The following CDYL variants were observed in gnomAD, a reference collection of about 807,000 sequenced individuals.
CDYL encodes chromodomain Y-like protein.
Under a neutral mutation model 47.3 loss-of-function variants are expected in CDYL, and 8 were observed. The ratio of observed to expected loss-of-function variants is 0.17; its 90% CI spans 0.10 to 0.31. The LOEUF (loss-of-function observed/expected upper bound fraction) is 0.31. Among genes scored for constraint, CDYL ranks in the 10% least tolerant of loss-of-function variants. The probability of loss-of-function intolerance (pLI) is 1.00; values close to 1 mark genes in which losing one functional copy is unlikely to be tolerated. For synonymous variants in CDYL, 266 were observed against 265.0 expected (o/e 1.00, Z -0.04); for missense variants, 471 against 701.4 (o/e 0.67, Z 3.71).
chr6:4,946,651 G>A lies in CDYL; in HGVS notation c.1332+2895G>A, dbSNP rs541804999. Among the ~76,000 whole-genome samples the A allele has an allele frequency of 1.2e-4, 18 of 152,292 alleles. No individual in the cohort carries two copies. The South Asian group carries it at 2.5e-3, about 21-fold the overall frequency. ...TGCCAAGCCCAGCTGTGCATCTGCC[G>A]CGGGCCCTGCCTGACCTTGCGCCTG... is the stretch of plus-strand genomic sequence containing the variant. On this transcript the variant is annotated intron_variant, in intron 5 of 6. Transcript: ENST00000397588.
intron 1 of CDYL, among the ~76,000 whole-genome samples, chr6:4,794,355 G>T (rs1759011168): frequency 6.6e-6 from 1 of 152,122 alleles, no homozygotes; most frequent in Admixed American, 6.5e-5. Context: ...AGATTTGGCA[G>T]CGCGGAGGCC....
chr6:4,840,461 G>A (rs1760454406), intron 1 of CDYL, among the ~76,000 whole-genome samples: 1 of 152,102 alleles, frequency 6.6e-6, no homozygotes, highest in Admixed American at 6.6e-5. Context: ...TGGTGAGAGT[G>A]GGCATCCTCG....
At chr6:4,745,196 G>A (rs1466659254) in intron 3 of CDYL, among the ~76,000 whole-genome samples, 2 of 152,136 alleles carry the variant, frequency 1.3e-5, no homozygotes, top group Admixed American at 6.5e-5. Flanking sequence ...CTGGCTTCAA[G>A]TGATCCTCCA....
intron 1 of CDYL, among the ~76,000 whole-genome samples, chr6:4,849,840 AAC>A (rs753442452): frequency 1.3e-5 from 2 of 151,720 alleles, no homozygotes; most frequent in African/African-American, 2.4e-5. Flanking sequence ...GTAGACCACA[AAC>A]ACAGAAAGAA....
At chr6:4,811,956 C>T (rs1181763837) in intron 1 of CDYL, among the ~76,000 whole-genome samples, 1 of 152,180 alleles carries the variant, frequency 6.6e-6, no homozygotes, top group East Asian at 1.9e-4. Context: ...CACATCATCT[C>T]CTGTGCCTTT....
At chr6:4,817,367 A>AC (rs1273424947) in intron 1 of CDYL, among the ~76,000 whole-genome samples, 2 of 151,126 alleles carry the variant, frequency 1.3e-5, no homozygotes, top group Admixed American at 6.6e-5. Flanking sequence ...AAAAAAAAAA[A>AC]AACTGTGAAA....
At chr6:4,886,527 G>A (rs550898460) in intron 1 of CDYL, among the ~76,000 whole-genome samples, 11 of 152,178 alleles carry the variant, frequency 7.2e-5, no homozygotes, top group Admixed American at 2.6e-4. Flanking sequence ...TATCTTCTTC[G>A]GAGAAATGTC....
chr6:4,900,819 A>G (rs1393122751), intron 2 of CDYL, among the ~76,000 whole-genome samples: 2,072 of 85,050 alleles, frequency 0.024, 379 homozygotes, highest in African/African-American at 0.079. Context: ...ATATATATAT[A>G]TATATATATA....
intron 3 of CDYL, among the ~76,000 whole-genome samples, chr6:4,739,338 C>CA (rs1347320553): frequency 6.6e-6 from 1 of 151,056 alleles, no homozygotes; most frequent in Non-Finnish European, 1.5e-5. Flanking sequence ...GCTAACATGG[C>CA]AAAACCCTGT....
At chr6:4,785,515 C>G (rs573114807) in intron 1 of CDYL, among the ~76,000 whole-genome samples, 4 of 152,282 alleles carry the variant, frequency 2.6e-5, no homozygotes, top group South Asian at 4.1e-4. Context: ...CCGTTTTTCA[C>G]TTGTACCCAT....
At chr6:4,746,179 C>T (rs1031008726) in intron 3 of CDYL, among the ~76,000 whole-genome samples, 10 of 152,072 alleles carry the variant, frequency 6.6e-5, no homozygotes, top group Admixed American at 4.6e-4. Flanking sequence ...GCCTGACCAA[C>T]ATGGTGAAAC....
At chr6:4,777,834 A>C (rs1758512133) in intron 1 of CDYL, among the ~76,000 whole-genome samples, 1 of 152,178 alleles carries the variant, frequency 6.6e-6, no homozygotes, top group Admixed American at 6.5e-5. Context: ...CTGCGATGTT[A>C]GTCTTCTAGC....
At position 4,925,295 on chromosome 6, in the gene CDYL, T is replaced by G. The variant is rs187080430; in HGVS notation, c.692-10220T>G. On this transcript the variant is annotated intron_variant, in intron 2 of 6. Coordinates refer to ENST00000397588, the MANE Select transcript of CDYL (RefSeq NM_004824.4). ...AAGTCCTGATGGTATATCAATGTCTTTCTTAGAGATGGCTAAGAATGAGCA... is the reference window on the plus strand; with the variant it reads ...AAGTCCTGATGGTATATCAATGTCTGTCTTAGAGATGGCTAAGAATGAGCA... Among the ~76,000 whole-genome samples the G allele has an allele frequency of 4.6e-5, 7 of 152,348 alleles. No individual in the cohort carries two copies. The East Asian group carries it at 1.2e-3, about 25-fold the overall frequency.
At chr6:4,805,805 A>G (rs1282210369) in intron 1 of CDYL, among the ~76,000 whole-genome samples, 1 of 152,234 alleles carries the variant, frequency 6.6e-6, no homozygotes, top group African/African-American at 2.4e-5. Context: ...AAGAGGCTTA[A>G]GAGGGCGGCT....
chr6:4,882,325 A>T (rs1011982733), intron 1 of CDYL, among the ~76,000 whole-genome samples: 1 of 152,204 alleles, frequency 6.6e-6, no homozygotes, highest in African/African-American at 2.4e-5. Flanking sequence ...CATGTTGACC[A>T]AATTGTTATC....
intron 2 of CDYL, among the ~76,000 whole-genome samples, chr6:4,934,219 G>T (rs1758117757): frequency 6.6e-6 from 1 of 152,138 alleles, no homozygotes; most frequent in Non-Finnish European, 1.5e-5. Flanking sequence ...TAAGAGGGCA[G>T]GGGGATCCTG....
At chr6:4,855,517 G>T (rs1163853085) in intron 1 of CDYL, among the ~76,000 whole-genome samples, 4 of 152,238 alleles carry the variant, frequency 2.6e-5, no homozygotes, top group East Asian at 1.9e-4. Context: ...TGCCAAGAAG[G>T]CATAGATTCT....
At chr6:4,936,218 A>G (rs1243234870) in intron 3 of CDYL, among the ~76,000 whole-genome samples, 1 of 152,164 alleles carries the variant, frequency 6.6e-6, no homozygotes, top group East Asian at 1.9e-4. Context: ...AATATTTATC[A>G]TCTTTCCAGT....
chr6:4,773,240 G>A (rs1032430156), upstream of CDYL: 7 of 456,764 alleles, frequency 1.5e-5, no homozygotes, highest in Non-Finnish European at 2.6e-5. This position sits in a 1 kb window ranked among gnomAD's most constrained non-coding sequence, Gnocchi z 4.6. Flanking sequence ...CGTCTCTCTT[G>A]TTGACCACTT....
Sources: allele counts gnomAD v4.1 joint callset (sites outside exome capture counted in the v4.1 genomes callset), GRCh38; gene constraint gnomAD v4.1.1; non-coding constraint Gnocchi (gnomAD v3.1); transcripts MANE v1.5; gene names NCBI Gene and HGNC (gene_info 2026-07-23, HGNC 2026-07-21).